GABRA3: variants seen among roughly 807,000 people sequenced by gnomAD.
GABRA3 encodes gamma-aminobutyric acid type A receptor subunit alpha3.
A neutral mutation model predicts 30.1 loss-of-function variants in GABRA3; 10 were observed. The observed-to-expected ratio is 0.33, with a 90% CI of 0.20 to 0.56. The LOEUF (loss-of-function observed/expected upper bound fraction) is 0.56, where lower values mean the gene tolerates loss of function less well. Ranked by LOEUF, GABRA3 falls within the 20% of genes least tolerant of loss-of-function variation. The probability of loss-of-function intolerance (pLI) is 0.89; values close to 1 mark genes in which losing one functional copy is unlikely to be tolerated. For synonymous variants in GABRA3, 151 were observed against 146.8 expected (o/e 1.03, Z -0.21); for missense variants, 233 against 392.0 (o/e 0.59, Z 3.42).
chrX:152,318,503 C>A (rs1330487773), intron 3 of GABRA3, among the ~76,000 whole-genome samples: 4 of 111,043 alleles, frequency 3.6e-5, no homozygotes, highest in Non-Finnish European at 5.7e-5. Context: ...AATACAAAAA[C>A]CAGAAGAGGA....
chrX:152,330,522 A>T (rs974006988), intron 3 of GABRA3, among the ~76,000 whole-genome samples: 1 of 111,961 alleles, frequency 8.9e-6, no homozygotes, highest in Non-Finnish European at 1.9e-5. Flanking sequence ...TGCAGCCATA[A>T]AAAACGATGC....
intron 1 of GABRA3, among the ~76,000 whole-genome samples, chrX:152,443,673 A>G (rs1930992428): frequency 1.8e-5 from 2 of 111,753 alleles, no homozygotes; most frequent in South Asian, 7.5e-4. Flanking sequence ...CCAAAGGTTT[A>G]AAAAAGTAAA....
chrX:152,365,503 A>G (rs1275435056), intron 1 of GABRA3, among the ~76,000 whole-genome samples: 1 of 111,655 alleles, frequency 9.0e-6, no homozygotes, highest in Non-Finnish European at 1.9e-5. Flanking sequence ...AAAGCAACCA[A>G]TAAAGTGATG....
chrX:152,393,665 T>C, intron 1 of GABRA3: 1 of 228,499 alleles, frequency 4.4e-6, no homozygotes, highest in Non-Finnish European at 8.4e-6. Flanking sequence ...CTGGAGGAGA[T>C]ATCATGGCAC....
intron 4 of GABRA3, among the ~76,000 whole-genome samples, chrX:152,282,416 C>T (rs1240874251): frequency 9.1e-6 from 1 of 110,278 alleles, no homozygotes; most frequent in East Asian, 2.8e-4. Flanking sequence ...CTTAGTAGCA[C>T]AGAAAAAAAA....
intron 1 of GABRA3, among the ~76,000 whole-genome samples, chrX:152,376,329 G>A: frequency 1.8e-5 from 2 of 109,777 alleles, no homozygotes; most frequent in Non-Finnish European, 3.8e-5. Context: ...ACCTTCATAT[G>A]AATCCTAATC....
intron 7 of GABRA3, among the ~76,000 whole-genome samples, chrX:152,198,411 C>A (rs915078538): frequency 5.3e-5 from 6 of 112,722 alleles, no homozygotes; most frequent in African/African-American, 1.9e-4. Context: ...TGAGCACTTA[C>A]TGCGCTTTTA....
chrX:152,174,680 C>T (rs200415674), intron 9 of GABRA3, among the ~76,000 whole-genome samples: 1 of 110,587 alleles, frequency 9.0e-6, no homozygotes, highest in Admixed American at 9.7e-5. Flanking sequence ...CATTGTAGAT[C>T]CTGGATATTA....
At chrX:152,395,208 C>T (rs1261668678) in intron 1 of GABRA3, among the ~76,000 whole-genome samples, 7 of 111,021 alleles carry the variant, frequency 6.3e-5, no homozygotes, top group East Asian at 5.7e-4. Flanking sequence ...TAAATCCAAA[C>T]GATCCCATTA....
intron 9 of GABRA3, among the ~76,000 whole-genome samples, chrX:152,179,643 C>T (rs909602585): frequency 5.7e-4 from 62 of 109,666 alleles, no homozygotes; most frequent in African/African-American, 2.0e-3. Flanking sequence ...TACAGGCGCC[C>T]GCCACCACAC....
In GABRA3 at chrX:152,166,802, G is replaced by T. The variant is rs1569473892; in HGVS notation, c.*1426C>A. The T allele has an allele frequency of 9.0e-6, 1 of 110,947 alleles. No individual in the cohort carries two copies. The highest frequency in any genetic ancestry group is 1.9e-5 in the Non-Finnish European group (1 of 53,049). 9.1% of individuals were successfully genotyped at this position (110,947 alleles called of 1,213,427 possible). ...GTGACCCAGAAGGCCCGCTGAGATT[G>T]TGCTGATTCTGAGGTCACGGTGGAC... is the stretch of plus-strand genomic sequence containing the variant. On this transcript the variant is annotated 3_prime_UTR_variant, in exon 10 of 10. Coordinates refer to ENST00000370314, the MANE Select transcript of GABRA3 (RefSeq NM_000808.4).
intron 5 of GABRA3, among the ~76,000 whole-genome samples, chrX:152,248,482 G>A (rs773443128): frequency 4.0e-4 from 44 of 110,507 alleles, no homozygotes; most frequent in African/African-American, 1.4e-3. Flanking sequence ...AAAACTTAAA[G>A]TATAATAATA....
At chrX:152,417,931 C>T (rs1191181030) in intron 1 of GABRA3, among the ~76,000 whole-genome samples, 10 of 98,027 alleles carry the variant, frequency 1.0e-4, no homozygotes, top group East Asian at 3.4e-4. Flanking sequence ...TGCTAGATGA[C>T]GAGTTAGTGG....
chrX:152,225,457 C>CACACAT (rs1937932906), intron 5 of GABRA3, among the ~76,000 whole-genome samples: 2 of 98,131 alleles, frequency 2.0e-5, no homozygotes, highest in Non-Finnish European at 4.2e-5. Flanking sequence ...CACACACACA[C>CACACAT]GAAAACTGAC....
At chrX:152,174,762 G>T (rs1218180355) in intron 9 of GABRA3, among the ~76,000 whole-genome samples, 1 of 111,759 alleles carries the variant, frequency 8.9e-6, no homozygotes, top group Non-Finnish European at 1.9e-5. Flanking sequence ...TCTGATGGTG[G>T]TTTCTTTTGC....
At chrX:152,235,334 T>C (rs760582403) in intron 5 of GABRA3, among the ~76,000 whole-genome samples, 1 of 111,844 alleles carries the variant, frequency 8.9e-6, no homozygotes, top group Admixed American at 9.6e-5. Flanking sequence ...ACTGAATTCA[T>C]TTATCAAATT....
chrX:152,353,604 G>T (rs1350591674), intron 2 of GABRA3, among the ~76,000 whole-genome samples: 1 of 111,454 alleles, frequency 9.0e-6, no homozygotes, highest in Non-Finnish European at 1.9e-5. Flanking sequence ...TATGTGGAAA[G>T]ACATTTTTTG....
chrX:152,236,614 G>A (rs1466389781), intron 5 of GABRA3, among the ~76,000 whole-genome samples: 1 of 106,640 alleles, frequency 9.4e-6, no homozygotes, highest in African/African-American at 3.4e-5. Context: ...CCCACCAACA[G>A]TGTAAAAGTG....
chrX:152,389,403 A>T (rs1386926676), intron 1 of GABRA3: 1 of 111,813 alleles, frequency 8.9e-6, no homozygotes, highest in Non-Finnish European at 1.9e-5. Flanking sequence ...ATGAATTTTT[A>T]AAAATGGCTT....
Sources: allele counts gnomAD v4.1 joint callset (sites outside exome capture counted in the v4.1 genomes callset), GRCh38; gene constraint gnomAD v4.1.1; transcripts MANE v1.5; gene names NCBI Gene and HGNC (gene_info 2026-07-23, HGNC 2026-07-21).